The following PHKB variants were observed in gnomAD, a reference collection of about 807,000 sequenced individuals.
The protein encoded by PHKB is phosphorylase b kinase regulatory subunit beta.
PHKB carries 122 observed loss-of-function variants against 152.1 expected under a neutral mutation model. The observed-to-expected ratio is 0.80, with a 90% CI of 0.69 to 0.93. PHKB has a LOEUF of 0.93. Among genes scored for constraint, PHKB ranks in the 40% least tolerant of loss-of-function variants. The probability of loss-of-function intolerance (pLI) is 0.00; values close to 1 mark genes in which losing one functional copy is unlikely to be tolerated. For missense variants in PHKB, 1,304 were observed against 1,328.4 expected, an observed-to-expected ratio of 0.98 and a Z score of 0.29; for synonymous variants, 436 against 464.9, an observed-to-expected ratio of 0.94 and a Z score of 0.80.
chr16:47,574,101 G>A (rs201605094), intron 7 of PHKB, among the ~76,000 whole-genome samples: 1 of 152,268 alleles, frequency 6.6e-6, no homozygotes, highest in East Asian at 1.9e-4. Flanking sequence ...TGTATTTTTA[G>A]TAGAGACAGG....
chr16:47,581,175 T>G (rs977518163), intron 8 of PHKB, among the ~76,000 whole-genome samples: 2 of 152,178 alleles, frequency 1.3e-5, no homozygotes, highest in Admixed American at 1.3e-4. Flanking sequence ...ACGACATGGT[T>G]TTTGTTATGG....
intron 6 of PHKB, among the ~76,000 whole-genome samples, chr16:47,521,628 C>G (rs1355089433): frequency 6.6e-6 from 1 of 151,154 alleles, no homozygotes; most frequent in African/African-American, 2.4e-5. Flanking sequence ...GCCCTCCAGC[C>G]TGGGAAACAA....
At chr16:47,518,891 A>C (rs968940421) in intron 6 of PHKB, among the ~76,000 whole-genome samples, 1 of 152,204 alleles carries the variant, frequency 6.6e-6, no homozygotes, top group African/African-American at 2.4e-5. Flanking sequence ...GTTTCATGAC[A>C]TTCTCCATTA....
At position 47,650,865 on chromosome 16, in the gene PHKB, G is replaced by A; in HGVS notation, c.1915G>A (p.Ala639Thr). Residue 639 changes from alanine to threonine, a missense_variant, in exon 20 of 31, where the codon GCA (alanine) becomes ACA (threonine). By Grantham distance (58) the Ala-to-Thr change is moderately conservative. Transcript: ENST00000323584. Reference sequence around the variant, plus strand: ...GTTCAACCCCATATTAGATATGCTGGCAGCCCTTAAAAAAGGAATAATTGG... The same window carrying A: ...GTTCAACCCCATATTAGATATGCTGACAGCCCTTAAAAAAGGAATAATTGG... ...SRFNPILDML[A>T]ALKKGIIGGV... is the part of the protein sequence containing the mutation. The A allele has an allele frequency of 6.2e-7, 1 of 1,613,560 alleles. No individual in the cohort carries two copies. Among genetic ancestry groups the A allele is most frequent in the Non-Finnish European group, 8.5e-7 (1 of 1,179,666 alleles).
At chr16:47,557,771 T>G (rs1375383923) in intron 7 of PHKB, among the ~76,000 whole-genome samples, 1 of 151,962 alleles carries the variant, frequency 6.6e-6, no homozygotes, top group East Asian at 1.9e-4. Flanking sequence ...TAGGAACACT[T>G]TTACACTGTT....
At chr16:47,466,332 C>T (rs947055368) in intron 1 of PHKB, among the ~76,000 whole-genome samples, 1 of 152,122 alleles carries the variant, frequency 6.6e-6, no homozygotes, top group Non-Finnish European at 1.5e-5. Context: ...GCATTCAATA[C>T]CTTAGATTGC....
At chr16:47,660,483 A>G (rs773085017) in intron 20 of PHKB, 23 bp from the exon 21 acceptor site, 1 of 1,599,702 alleles carries the variant, frequency 6.3e-7, no homozygotes, top group Admixed American at 1.7e-5. Context: ...AAGAGTTTCT[A>G]ATCTTTTTCG....
At position 47,610,821 on chromosome 16, in the gene PHKB, T is replaced by C. The variant is rs1219610240; in HGVS notation, c.1364-5T>C. On this transcript the variant is annotated splice_polypyrimidine_tract_variant and splice_region_variant and intron_variant, in intron 13 of 30. Transcript: ENST00000323584. Reference sequence around the variant, plus strand: ...CGATAATGTCATTCCCCTTCTTTTTTTCAGCTGATGAACTTATTAGTCCTA... The same window carrying C: ...CGATAATGTCATTCCCCTTCTTTTTCTCAGCTGATGAACTTATTAGTCCTA... 13 of 1,570,036 alleles carry C rather than the reference T, an allele frequency of 8.3e-6. No individual in the cohort carries two copies. The highest frequency in any genetic ancestry group is 1.1e-5 in the Non-Finnish European group (13 of 1,140,098).
chr16:47,511,480 C>T (rs1970508669), intron 4 of PHKB, among the ~76,000 whole-genome samples, 185 bp from the exon 5 acceptor site: 1 of 152,194 alleles, frequency 6.6e-6, no homozygotes, highest in African/African-American at 2.4e-5. Context: ...ATCATGTTAA[C>T]TCTATCAAGT....
chr16:47,653,807 C>T (rs990286944), intron 20 of PHKB, among the ~76,000 whole-genome samples: 1 of 151,968 alleles, frequency 6.6e-6, no homozygotes, highest in Non-Finnish European at 1.5e-5. Context: ...AAGACTATTA[C>T]AAAAATGTGA....
intron 1 of PHKB, among the ~76,000 whole-genome samples, chr16:47,489,464 A>G (rs1037394096): frequency 1.3e-5 from 2 of 152,248 alleles, no homozygotes; most frequent in African/African-American, 4.8e-5. Context: ...CTATTTGCAT[A>G]AAGTACAGCA....
At chr16:47,497,362 ATGAC>A (rs1567279702) in intron 1 of PHKB, 33 bp from the exon 2 acceptor site, 1 of 1,267,960 alleles carries the variant, frequency 7.9e-7, no homozygotes, top group Non-Finnish European at 1.1e-6. Flanking sequence ...CTTTGTGAAA[ATGAC>A]TGAATTTGAT....
At chr16:47,476,980 T>C (rs1263475559) in intron 1 of PHKB, among the ~76,000 whole-genome samples, 3 of 152,226 alleles carry the variant, frequency 2.0e-5, no homozygotes, top group Non-Finnish European at 4.4e-5. Context: ...GCAATGTTAT[T>C]AATGTACCTG....
chr16:47,629,138 A>G (rs1276635862), intron 14 of PHKB, among the ~76,000 whole-genome samples: 1 of 152,248 alleles, frequency 6.6e-6, no homozygotes, highest in African/African-American at 2.4e-5. Flanking sequence ...CTAAAACACC[A>G]AAAGCAATGG....
At chr16:47,697,152 C>T (rs1210909650) in intron 29 of PHKB, among the ~76,000 whole-genome samples, 1 of 152,208 alleles carries the variant, frequency 6.6e-6, no homozygotes, top group African/African-American at 2.4e-5. Context: ...CGCACTTTGT[C>T]TCTTTCCCTG....
At chr16:47,544,912 C>A (rs921183552) in intron 6 of PHKB, among the ~76,000 whole-genome samples, 2 of 152,128 alleles carry the variant, frequency 1.3e-5, no homozygotes, top group African/African-American at 4.8e-5. Context: ...ACTAGGATTG[C>A]AACCCCTGCT....
chr16:47,606,355 A>G (rs1972323822), intron 13 of PHKB, among the ~76,000 whole-genome samples: 1 of 152,248 alleles, frequency 6.6e-6, no homozygotes, highest in Non-Finnish European at 1.5e-5. Context: ...AAAGCAATTT[A>G]TAAATAGCTA....
chr16:47,503,091 G>A lies in PHKB; in HGVS notation c.405+1G>A, dbSNP rs1314795030. On this transcript the variant is annotated splice_donor_variant, in intron 4 of 30. Transcript: ENST00000323584. LOFTEE classifies it high-confidence loss of function. ...CTGCTATATGCGTCAGGCCGATAAG[G>A]TAAAACATTGTGGTGTGGACGGGAA... 1.9e-6 allele frequency: 3 copies of A among 1,562,736 alleles called. No individual in the cohort carries two copies. Among genetic ancestry groups the A allele is most frequent in the South Asian group, 1.1e-5 (1 of 89,988 alleles).
At chr16:47,575,835 G>A (rs1971739126) in intron 7 of PHKB, among the ~76,000 whole-genome samples, 1 of 152,152 alleles carries the variant, frequency 6.6e-6, no homozygotes, top group Non-Finnish European at 1.5e-5. Context: ...CCAGCACTTT[G>A]GGAGGCCGAG....
Sources: allele counts gnomAD v4.1 joint callset (sites outside exome capture counted in the v4.1 genomes callset), GRCh38; gene constraint gnomAD v4.1.1; transcripts MANE v1.5; gene names NCBI Gene and HGNC (gene_info 2026-07-23, HGNC 2026-07-21).